The following IRF6 variants were observed in gnomAD, a reference collection of about 807,000 sequenced individuals.
IRF6 encodes Van der Woude syndrome.
In IRF6, 6 loss-of-function variants were observed where a neutral mutation model predicts 51.4. The observed-to-expected ratio is 0.12, with a 90% CI of 0.06 to 0.23. IRF6 has a LOEUF of 0.23. IRF6 is among the 10% of genes least tolerant of loss of function. IRF6 has a pLI of 1.00. For missense variants in IRF6, 348 were observed against 585.2 expected, an observed-to-expected ratio of 0.59 and a Z score of 4.18; for synonymous variants, 178 against 215.7, an observed-to-expected ratio of 0.83 and a Z score of 1.53.
At chr1:209,792,938 G>C (rs1464923178) in intron 5 of IRF6, among the ~76,000 whole-genome samples, 1 of 152,060 alleles carries the variant, frequency 6.6e-6, no homozygotes, top group Non-Finnish European at 1.5e-5. Context: ...AGAAATGAAA[G>C]GTTCAGGGAC....
In IRF6 at chr1:209,801,556, G is replaced by A. The variant is rs186676009; in HGVS notation, c.-3-140C>T. The A allele has an allele frequency of 1.0e-5, 7 of 684,066 alleles. No individual in the cohort carries two copies. In the Admixed American group the frequency reaches 1.9e-4, roughly 18 times the overall value. 42.4% of individuals were successfully genotyped at this position (684,066 alleles called of 1,614,324 possible). Reference sequence around the variant, plus strand: ...AAGAAACTAAATATGGGAATAAGCTGTGCCAGGTGGGAAAGAAAAGAGGTT... The same window carrying A: ...AAGAAACTAAATATGGGAATAAGCTATGCCAGGTGGGAAAGAAAAGAGGTT... On this transcript the variant is annotated intron_variant, in intron 2 of 8. Coordinates refer to ENST00000367021, the MANE Select transcript of IRF6 (RefSeq NM_006147.4).
intron 1 of IRF6, among the ~76,000 whole-genome samples, chr1:209,805,109 C>G (rs1400295830): frequency 6.6e-6 from 1 of 152,096 alleles, no homozygotes; most frequent in South Asian, 2.1e-4. Context: ...CACGTCTCAT[C>G]CTAAACCACA....
intron 7 of IRF6, among the ~76,000 whole-genome samples, chr1:209,789,988 G>A (rs908732402): frequency 2.6e-5 from 4 of 152,288 alleles, no homozygotes; most frequent in African/African-American, 9.6e-5. Flanking sequence ...ATACTGAATA[G>A]CACAAATATA....
rs745512689 is a variant in IRF6 at position 209,789,758 on chromosome 1, A to G, written c.1088T>C (p.Ile363Thr). The G allele has an allele frequency of 2.5e-6, 4 of 1,613,974 alleles. No individual in the cohort carries two copies. The highest frequency in any genetic ancestry group is 1.3e-5 in the African/African-American group (1 of 75,032). ...SDLIAHQKGQ[I>T]EKQPPFEIYL... ...GATCTCAAACGGTGGCTGCTTCTCT[A>G]TCTGTCCTTTCTGGTGGGCAATGAG... Residue 363 changes from isoleucine to threonine, a missense_variant, in exon 8 of 9, where the codon ATA becomes ACA. Coordinates refer to ENST00000367021, the MANE Select transcript of IRF6 (RefSeq NM_006147.4).
chr1:209,789,913 A>C, intron 7 of IRF6, 128 bp from the exon 8 acceptor site: 1 of 714,384 alleles, frequency 1.4e-6, no homozygotes, highest in Non-Finnish European at 2.5e-6. Context: ...AAATTAATTA[A>C]ACAGTTCCTG....
chr1:209,794,079 G>A (rs1458495163), intron 5 of IRF6, among the ~76,000 whole-genome samples: 1 of 152,070 alleles, frequency 6.6e-6, no homozygotes, highest in Non-Finnish European at 1.5e-5. Flanking sequence ...ATTCTTTTGG[G>A]TATATACCCA....
intron 3 of IRF6, among the ~76,000 whole-genome samples, chr1:209,800,348 CT>C: frequency 6.6e-6 from 1 of 152,182 alleles, no homozygotes; most frequent in Non-Finnish European, 1.5e-5. Context: ...AATAAAATGA[CT>C]GTCATATCAG....
chr1:209,789,878 C>T lies in IRF6; in HGVS notation c.1061-93G>A. On this transcript the variant is annotated intron_variant, in intron 7 of 8. Coordinates refer to ENST00000367021, the MANE Select transcript of IRF6 (RefSeq NM_006147.4). ...TTTATGCTGTCCATTACAATAGCCA[C>T]TAGCCACATGTGCTCACTAGTTTTA... 13 of 841,354 alleles carry T rather than the reference C, an allele frequency of 1.5e-5. 1 individual carries two copies. In the South Asian group the frequency reaches 1.6e-4, roughly 11 times the overall value. 52.1% of individuals were successfully genotyped at this position (841,354 alleles called of 1,614,324 possible).
At position 209,788,540 on chromosome 1, in the gene IRF6, G is replaced by T; in HGVS notation, c.1284C>A (p.Ile428=). Residue 428 remains isoleucine (I), a synonymous_variant, in exon 9 of 9, where the codon ATC becomes ATA. Coordinates refer to ENST00000367021, the MANE Select transcript of IRF6 (RefSeq NM_006147.4). ...TCAGCTGAGCAACGATGTTATCCTT[G>T]ATGTCTGGGGTTGAGATCTGCAGGC... ...SVRLQISTPD[I]KDNIVAQLKQ... The T allele has an allele frequency of 6.2e-7, 1 of 1,614,130 alleles. No individual in the cohort carries two copies.
At position 209,796,678 on chromosome 1, in the gene IRF6, A is replaced by ACACACACAC; in HGVS notation, c.175-127_175-126insGTGTGTGTG. The ACACACACAC allele has an allele frequency of 6.8e-6, 3 of 438,460 alleles. No homozygotes were observed. Among genetic ancestry groups the ACACACACAC allele is most frequent in the Non-Finnish European group, 7.8e-6 (2 of 255,802 alleles). The allele number at this position is 438,460 out of a possible 1,614,324, so 27.2% of individuals were successfully genotyped here. A position where few individuals can be genotyped will look rare whatever the true frequency, so the allele number is the denominator to read the frequency against. On this transcript the variant is annotated intron_variant, in intron 3 of 8. Coordinates refer to ENST00000367021, the MANE Select transcript of IRF6 (RefSeq NM_006147.4). The surrounding 1 kb of genome is among the most constrained non-coding windows in gnomAD (Gnocchi z 4.5). ...ACACACACACACACACACACACACAACTTTTGCATGACTGCCCCATCATCC... is the reference window on the plus strand; with the variant it reads ...ACACACACACACACACACACACACAACACACACACCTTTTGCATGACTGCCCCATCATCC...
intron 3 of IRF6, among the ~76,000 whole-genome samples, chr1:209,798,140 T>G (rs2236906): frequency 0.4 from 60,620 of 152,014 alleles, 12,428 homozygotes; most frequent in Middle Eastern, 0.45. Context: ...TCTTTTCAGA[T>G]TTGGGTCCCT....
chr1:209,792,502 C>G, intron 5 of IRF6, 75 bp from the exon 6 acceptor site: 1 of 1,522,138 alleles, frequency 6.6e-7, no homozygotes, highest in Non-Finnish European at 9.0e-7. Flanking sequence ...TGAGAACTCA[C>G]AAGGTCAGTA....
chr1:209,798,401 A>C (rs1406653511), intron 3 of IRF6, among the ~76,000 whole-genome samples: 2 of 152,198 alleles, frequency 1.3e-5, no homozygotes, highest in African/African-American at 4.8e-5. Context: ...GGCCCCACCC[A>C]GCTGACTCGG....
At chr1:209,793,874 C>T (rs1051731717) in intron 5 of IRF6, among the ~76,000 whole-genome samples, 1 of 152,166 alleles carries the variant, frequency 6.6e-6, no homozygotes, top group Non-Finnish European at 1.5e-5. Flanking sequence ...CCTCCAGCTA[C>T]ATCCATGTTG....
intron 3 of IRF6, among the ~76,000 whole-genome samples, chr1:209,797,232 T>C (rs571069109): frequency 1.3e-5 from 2 of 152,004 alleles, no homozygotes; most frequent in African/African-American, 2.4e-5. Context: ...TAGCCGGGCA[T>C]GGTGGTGCAT....
Position 209,796,630 on chromosome 1 carries a change from C to T in IRF6, c.175-78G>A. 1 of 791,008 alleles carries T rather than the reference C, an allele frequency of 1.3e-6. No individual in the cohort carries two copies. The highest frequency in any genetic ancestry group is 2.1e-6 in the Non-Finnish European group (1 of 479,300). The allele number at this position is 791,008 out of a possible 1,614,324, so 49.0% of individuals were successfully genotyped here. On this transcript the variant is annotated intron_variant, in intron 3 of 8. Coordinates refer to ENST00000367021, the MANE Select transcript of IRF6 (RefSeq NM_006147.4). The surrounding 1 kb of genome is among the most constrained non-coding windows in gnomAD (Gnocchi z 4.5). The stretch of plus-strand genomic sequence containing the variant: ...GCATGTGCTTACCCTTTCTCATAGA[C>T]ACAAACACACACACACACACACACA...
intron 3 of IRF6, among the ~76,000 whole-genome samples, chr1:209,798,273 C>T (rs989707462): frequency 5.9e-5 from 9 of 152,228 alleles, no homozygotes; most frequent in Admixed American, 2.6e-4. Context: ...GAGATTTCAA[C>T]TTCACTGGTC....
chr1:209,789,600 C>T, intron 8 of IRF6, 67 bp downstream of exon 8: 1 of 1,168,666 alleles, frequency 8.6e-7, no homozygotes, highest in South Asian at 1.2e-5. Flanking sequence ...GAGGGCTCAA[C>T]CCAGACCTGG....
In IRF6 at chr1:209,796,634, AACACACACACACACAC is replaced by A. The variant is rs3028134; in HGVS notation, c.175-98_175-83del. The A allele has an allele frequency of 2.6e-4, 151 of 586,882 alleles. No homozygotes were observed. Among genetic ancestry groups the A allele is most frequent in the African/African-American group, 1.7e-3 (85 of 48,792 alleles). 36.4% of individuals were successfully genotyped at this position (586,882 alleles called of 1,614,324 possible). A position where few individuals can be genotyped will look rare whatever the true frequency, so the allele number is the denominator to read the frequency against. On this transcript the variant is annotated intron_variant, in intron 3 of 8. Transcript: ENST00000367021. The surrounding 1 kb of genome is among the most constrained non-coding windows in gnomAD (Gnocchi z 4.5). Reference sequence around the variant, plus strand: ...GTGCTTACCCTTTCTCATAGACACAAACACACACACACACACACACACACACACACACACACACACA... The same window carrying A: ...GTGCTTACCCTTTCTCATAGACACAAACACACACACACACACACACACACA...
Sources: gnomAD v4.1 joint callset for allele counts (sites outside exome capture counted in the v4.1 genomes callset) on GRCh38, gnomAD v4.1.1 for gene constraint, Gnocchi (gnomAD v3.1) non-coding constraint, MANE v1.5 for transcripts, NCBI Gene and HGNC (gene_info 2026-07-23, HGNC 2026-07-21) for gene names.